LSAMP: variants seen among roughly 807,000 people sequenced by gnomAD.
LSAMP encodes limbic system associated membrane protein.
A neutral mutation model predicts 38.6 loss-of-function variants in LSAMP; 7 were observed. The observed-to-expected ratio is 0.18, with a 90% CI of 0.10 to 0.34. The LOEUF (loss-of-function observed/expected upper bound fraction) is 0.34. Among genes scored for constraint, LSAMP ranks in the 10% least tolerant of loss-of-function variants. LSAMP has a pLI of 1.00. For synonymous variants in LSAMP, 154 were observed against 166.8 expected (o/e 0.92, Z 0.59); for missense variants, 313 against 420.0 (o/e 0.75, Z 2.23).
chr3:116,156,503 G>A (rs997830192), intron 1 of LSAMP, among the ~76,000 whole-genome samples: 6 of 152,070 alleles, frequency 3.9e-5, no homozygotes, highest in South Asian at 2.1e-4. Context: ...CCTGGATGTC[G>A]GTGGACAGAA....
At chr3:116,227,048 C>T (rs1277591991) in intron 1 of LSAMP, among the ~76,000 whole-genome samples, 1 of 152,074 alleles carries the variant, frequency 6.6e-6, no homozygotes, top group African/African-American at 2.4e-5. Context: ...TTTGGTTTTG[C>T]CACTGTGCTT....
chr3:116,084,744 C>G (rs1707950056), intron 2 of LSAMP, among the ~76,000 whole-genome samples: 1 of 151,616 alleles, frequency 6.6e-6, no homozygotes, highest in African/African-American at 2.4e-5. Context: ...GTAGAAATAT[C>G]ACAATATAAT....
chr3:116,212,564 A>T (rs1184333072), intron 1 of LSAMP, among the ~76,000 whole-genome samples: 2 of 152,224 alleles, frequency 1.3e-5, no homozygotes, highest in African/African-American at 4.8e-5. Flanking sequence ...CTTCAAAAAA[A>T]AAAACTACAG....
At chr3:115,889,331 C>T (rs1048366883) in intron 3 of LSAMP, among the ~76,000 whole-genome samples, 2 of 151,902 alleles carry the variant, frequency 1.3e-5, no homozygotes, top group Non-Finnish European at 2.9e-5. Context: ...GGTGAATTTT[C>T]AGAGACCTAT....
intron 1 of LSAMP, among the ~76,000 whole-genome samples, chr3:116,118,701 A>T (rs912186386): frequency 1.3e-5 from 2 of 152,194 alleles, no homozygotes; most frequent in South Asian, 2.1e-4. Context: ...CACAACACCC[A>T]CACACATGCC....
At chr3:115,847,068 G>C (rs1935183981) in intron 4 of LSAMP, among the ~76,000 whole-genome samples, 1 of 152,124 alleles carries the variant, frequency 6.6e-6, no homozygotes, top group African/African-American at 2.4e-5. Context: ...CGCCTAAAGT[G>C]ATTGCACATA....
In LSAMP at chr3:115,927,792, C is replaced by T. The variant is rs183977069; in HGVS notation, c.515-75175G>A. Among the ~76,000 whole-genome samples the T allele has an allele frequency of 4.3e-4, 66 of 152,280 alleles. 1 individual carries two copies. Among genetic ancestry groups the T allele is most frequent in the African/African-American group, 5.5e-4 (23 of 41,560 alleles). ...CCCCTTCGTCCCCTCCATACACTCC[C>T]GCTGCTTCAAGTCTTTGCTCAAATC... On this transcript the variant is annotated intron_variant, in intron 3 of 6. Transcript: ENST00000490035.
At chr3:116,303,485 G>A (rs1383062241) in intron 1 of LSAMP, among the ~76,000 whole-genome samples, 1 of 152,194 alleles carries the variant, frequency 6.6e-6, no homozygotes, top group East Asian at 1.9e-4. Flanking sequence ...TTTTTGGATT[G>A]AAATTCAGTG....
chr3:116,044,917 C>T (rs1941257392), intron 2 of LSAMP, among the ~76,000 whole-genome samples: 1 of 151,888 alleles, frequency 6.6e-6, no homozygotes, highest in African/African-American at 2.4e-5. Context: ...GCCTTTCAGT[C>T]GTGATTACAT....
At chr3:116,411,568 C>A (rs1473336852) in intron 1 of LSAMP, among the ~76,000 whole-genome samples, 1 of 136,090 alleles carries the variant, frequency 7.3e-6, no homozygotes, top group Non-Finnish European at 1.5e-5. Flanking sequence ...TAGGTGGAAA[C>A]TGAACAATGA....
rs1174509175 is a variant in LSAMP at position 116,052,295 on chromosome 3, G to A, written c.389-32655C>T. Among the ~76,000 whole-genome samples, 7 of 152,250 alleles carry A rather than the reference G, an allele frequency of 4.6e-5. No homozygotes were observed. In the East Asian group the frequency reaches 1.2e-3, roughly 25 times the overall value. On this transcript the variant is annotated intron_variant, in intron 2 of 6. Coordinates refer to ENST00000490035, the MANE Select transcript of LSAMP (RefSeq NM_002338.5). ...AGGTGGAACAGCAGCAACAGGAGAA[G>A]AAGAGAGAGACAGAGAAAGGGGTAG... is the stretch of plus-strand genomic sequence containing the variant.
Position 116,203,533 on chromosome 3 carries a change from A to G in LSAMP, c.156-116977T>C, listed in dbSNP as rs1157152395. 2.4e-3 allele frequency among the ~76,000 whole-genome samples: 351 copies of G among 145,578 alleles called. 4 individuals carry two copies. Among genetic ancestry groups the G allele is most frequent in the African/African-American group, 8.5e-3 (337 of 39,828 alleles). Reference sequence around the variant, plus strand: ...CATCTAGCATTAGGTATATCTCCCAATGCTATCCCTCCCCCCACCCCCCAC... The same window carrying G: ...CATCTAGCATTAGGTATATCTCCCAGTGCTATCCCTCCCCCCACCCCCCAC... On this transcript the variant is annotated intron_variant, in intron 1 of 6. Transcript: ENST00000490035.
chr3:115,819,268 A>T (rs1003955970), intron 6 of LSAMP, among the ~76,000 whole-genome samples: 3 of 152,058 alleles, frequency 2.0e-5, no homozygotes, highest in African/African-American at 4.8e-5. Context: ...CCCCGTCTCT[A>T]CTAAAAATAC....
At chr3:116,393,294 TA>T (rs2048727443) in intron 1 of LSAMP, among the ~76,000 whole-genome samples, 1 of 152,158 alleles carries the variant, frequency 6.6e-6, no homozygotes, top group Non-Finnish European at 1.5e-5. Flanking sequence ...TGGTTCCTGG[TA>T]TCTCCAAGTT....
intron 1 of LSAMP, among the ~76,000 whole-genome samples, chr3:116,176,702 A>T (rs1397457250): frequency 6.6e-6 from 1 of 152,158 alleles, no homozygotes; most frequent in Non-Finnish European, 1.5e-5. Flanking sequence ...GCACATGGAG[A>T]GACTCAGTAG....
At chr3:116,383,104 C>T (rs767997189) in intron 1 of LSAMP, among the ~76,000 whole-genome samples, 36 of 152,042 alleles carry the variant, frequency 2.4e-4, no homozygotes, top group Non-Finnish European at 3.7e-4. Context: ...CAAAGCATTG[C>T]TATGGTAATT....
At chr3:115,835,078 C>A (rs564754246) in intron 6 of LSAMP, among the ~76,000 whole-genome samples, 1 of 152,300 alleles carries the variant, frequency 6.6e-6, no homozygotes, top group South Asian at 2.1e-4. Context: ...GAAAAATTTA[C>A]TGTGGACAAT....
intron 3 of LSAMP, among the ~76,000 whole-genome samples, chr3:115,918,842 G>A (rs1344328459): frequency 2.0e-5 from 3 of 151,712 alleles, no homozygotes; most frequent in Admixed American, 6.6e-5. Context: ...TTTATGTAGC[G>A]TTTTCTGTGT....
chr3:116,055,104 C>T (rs539647523), intron 2 of LSAMP, among the ~76,000 whole-genome samples: 1 of 152,274 alleles, frequency 6.6e-6, no homozygotes, highest in East Asian at 1.9e-4. Context: ...TGCAAATACA[C>T]ATTATCACAC....
Sources: allele counts gnomAD v4.1 joint callset (sites outside exome capture counted in the v4.1 genomes callset), GRCh38; gene constraint gnomAD v4.1.1; transcripts MANE v1.5; gene names NCBI Gene and HGNC (gene_info 2026-07-23, HGNC 2026-07-21).